Variants in SOX5 observed in about 807,000 individuals in gnomAD.
The protein encoded by SOX5 is transcription factor SOX-5.
A neutral mutation model predicts 92.0 loss-of-function variants in SOX5; 9 were observed. The observed-to-expected ratio is 0.10, with a 90% CI of 0.06 to 0.17. The LOEUF (loss-of-function observed/expected upper bound fraction) is 0.17. Ranked by LOEUF, SOX5 falls within the 10% of genes least tolerant of loss-of-function variation. The probability of loss-of-function intolerance (pLI) is 1.00; values close to 1 mark genes in which losing one functional copy is unlikely to be tolerated. For missense variants in SOX5, 642 were observed against 944.5 expected (o/e 0.68, Z 4.20); for synonymous variants, 344 against 336.3 (o/e 1.02, Z -0.25).
intron 3 of SOX5, among the ~76,000 whole-genome samples, chr12:24,232,140 T>C (rs558232613): frequency 6.6e-6 from 1 of 152,330 alleles, no homozygotes; most frequent in South Asian, 2.1e-4. Flanking sequence ...CCATGGTATC[T>C]TGTGAGCAGG....
chr12:23,976,136 T>C (rs552759633), intron 4 of SOX5, among the ~76,000 whole-genome samples: 3 of 152,044 alleles, frequency 2.0e-5, no homozygotes, highest in Admixed American at 6.6e-5. Context: ...CATCAGATTG[T>C]AGAACTTAAT....
Position 23,532,466 on chromosome 12 carries a change from G to C in SOX5, c.*1753C>G, listed in dbSNP as rs1939304372. On this transcript the variant is annotated 3_prime_UTR_variant, in exon 15 of 15. Coordinates refer to ENST00000451604, the MANE Select transcript of SOX5 (RefSeq NM_006940.6). ...CAATACAAATAATGGCAATTGACTT[G>C]AAATGATTTTGCATTTATTTGTACA... 1.3e-5 allele frequency: 2 copies of C among 152,190 alleles called. No homozygotes were observed. The allele number at this position is 152,190 out of a possible 1,614,324, so 9.4% of individuals were successfully genotyped here. A position where few individuals can be genotyped will look rare whatever the true frequency, so the allele number is the denominator to read the frequency against.
At chr12:24,505,700 C>T (rs1555327634) in intron 1 of SOX5, among the ~76,000 whole-genome samples, 1 of 152,192 alleles carries the variant, frequency 6.6e-6, no homozygotes, top group Non-Finnish European at 1.5e-5. Flanking sequence ...GCAATTATTA[C>T]ATAACTTCTG....
chr12:23,586,997 T>G (rs954413357), intron 9 of SOX5, among the ~76,000 whole-genome samples: 1 of 151,472 alleles, frequency 6.6e-6, no homozygotes, highest in African/African-American at 2.4e-5. Flanking sequence ...TATAATGTAA[T>G]TTTGTCATGG....
intron 2 of SOX5, among the ~76,000 whole-genome samples, chr12:24,355,772 A>G (rs1954758599): frequency 6.6e-6 from 1 of 152,242 alleles, no homozygotes; most frequent in South Asian, 2.1e-4. Context: ...GAATGGTAAG[A>G]GGCTTATCTA....
chr12:23,885,880 T>C (rs1568628476), intron 2 of SOX5, among the ~76,000 whole-genome samples: 1 of 84,184 alleles, frequency 1.2e-5, no homozygotes, highest in Non-Finnish European at 2.7e-5. Context: ...AGGAAGAAAA[T>C]GGCAAAAAAA....
intron 2 of SOX5, among the ~76,000 whole-genome samples, chr12:24,317,222 A>C (rs56119957): frequency 2.0e-5 from 3 of 152,246 alleles, no homozygotes; most frequent in Non-Finnish European, 4.4e-5. Flanking sequence ...AACACATTTA[A>C]GAAACTATTC....
At chr12:23,709,669 T>C (rs1486242246) in intron 6 of SOX5, among the ~76,000 whole-genome samples, 1 of 152,156 alleles carries the variant, frequency 6.6e-6, no homozygotes, top group Non-Finnish European at 1.5e-5. Flanking sequence ...ATTTAAACAG[T>C]ATTTTTAATG....
intron 4 of SOX5, among the ~76,000 whole-genome samples, chr12:24,007,150 T>TAA (rs1360169931): frequency 7.9e-5 from 6 of 76,290 alleles, no homozygotes; most frequent in African/African-American, 1.3e-4. Flanking sequence ...AATATATATA[T>TAA]ATATATATAT....
chr12:23,836,752 T>G (rs1397411873), intron 3 of SOX5, among the ~76,000 whole-genome samples: 5 of 151,914 alleles, frequency 3.3e-5, no homozygotes, highest in Non-Finnish European at 7.4e-5. Context: ...TTAATGAAAT[T>G]TTCATCACAA....
chr12:24,449,426 A>G (rs1351975467), intron 1 of SOX5, among the ~76,000 whole-genome samples: 4 of 152,182 alleles, frequency 2.6e-5, no homozygotes, highest in Non-Finnish European at 5.9e-5. Context: ...ATGATCTTCA[A>G]AATATCTAGG....
rs182945055 is a variant in SOX5, at chr12:23,856,640, C to T, written c.271-10447G>A. On this transcript the variant is annotated intron_variant, in intron 2 of 14. Transcript: ENST00000451604. Reference sequence around the variant, plus strand: ...GCTTCCTCAACTGATTCAGGTGCTGCAAGATATGCCAAAGGTATAAGAAAA... The same window carrying T: ...GCTTCCTCAACTGATTCAGGTGCTGTAAGATATGCCAAAGGTATAAGAAAA... 2.6e-4 allele frequency among the ~76,000 whole-genome samples: 39 copies of T among 152,190 alleles called. No homozygotes were observed. The Middle Eastern group carries it at 0.01, about 40-fold the overall frequency.
intron 2 of SOX5, among the ~76,000 whole-genome samples, chr12:24,342,796 T>C (rs1195660594): frequency 2.0e-5 from 3 of 152,216 alleles, no homozygotes; most frequent in African/African-American, 7.2e-5. Context: ...ATACCATTCA[T>C]GAAATTTGTA....
intron 4 of SOX5, among the ~76,000 whole-genome samples, chr12:24,064,837 T>A (rs574668221): frequency 1.3e-5 from 2 of 152,280 alleles, no homozygotes; most frequent in African/African-American, 2.4e-5. Context: ...TGCTAATACA[T>A]AAGGATGGGT....
intron 4 of SOX5, among the ~76,000 whole-genome samples, chr12:24,131,516 T>A (rs1211805804): frequency 6.6e-6 from 1 of 152,226 alleles, no homozygotes; most frequent in Non-Finnish European, 1.5e-5. Flanking sequence ...TGATTACATT[T>A]CACAATTTAA....
rs1360703846 is a variant in SOX5, at chr12:23,536,710, C to T, written c.1772-41G>A. The T allele has an allele frequency of 2.1e-6, 3 of 1,459,096 alleles. No individual in the cohort carries two copies. The East Asian group carries it at 6.8e-5, about 33-fold the overall frequency. The allele number at this position is 1,459,096 out of a possible 1,614,324, so 90.4% of individuals were successfully genotyped here. A position where few individuals can be genotyped will look rare whatever the true frequency, so the allele number is the denominator to read the frequency against. On this transcript the variant is annotated intron_variant, in intron 13 of 14. Coordinates refer to ENST00000451604, the MANE Select transcript of SOX5 (RefSeq NM_006940.6). ...GTTAGGATTCCAATTTGCACAGCTT[C>T]TAAGCATTCCAGAAAGTGATATGGC...
chr12:24,043,822 T>C (rs1956748655), intron 4 of SOX5, among the ~76,000 whole-genome samples: 1 of 152,164 alleles, frequency 6.6e-6, no homozygotes. Context: ...AGAAGAACAA[T>C]ATATAATTTT....
At chr12:24,041,844 T>C (rs1330594723) in intron 4 of SOX5, among the ~76,000 whole-genome samples, 3 of 152,152 alleles carry the variant, frequency 2.0e-5, no homozygotes, top group Non-Finnish European at 2.9e-5. Flanking sequence ...CTGTGACAGA[T>C]GACAAACTAA....
chr12:23,664,413 T>C (rs16926545), intron 7 of SOX5, among the ~76,000 whole-genome samples: 2,760 of 152,114 alleles, frequency 0.018, 78 homozygotes, highest in African/African-American at 0.062. Context: ...TTTTTTTCAG[T>C]GGTGTTCACT....
Sources: gnomAD v4.1 joint callset for allele counts (sites outside exome capture counted in the v4.1 genomes callset) on GRCh38, gnomAD v4.1.1 for gene constraint, MANE v1.5 for transcripts, NCBI Gene and HGNC (gene_info 2026-07-23, HGNC 2026-07-21) for gene names.